The following CDH12 variants were observed in gnomAD, a reference collection of about 807,000 sequenced individuals.
The protein encoded by CDH12 is cadherin-12.
Under a neutral mutation model 74.1 loss-of-function variants are expected in CDH12, and 41 were observed. The ratio of observed to expected loss-of-function variants is 0.55; its 90% confidence interval spans 0.43 to 0.72. The LOEUF (loss-of-function observed/expected upper bound fraction) is 0.72. Among genes scored for constraint, CDH12 ranks in the 30% least tolerant of loss-of-function variants. CDH12 has a pLI of 0.00. For synonymous variants in CDH12, 399 were observed against 355.0 expected (o/e 1.12, Z -1.39); for missense variants, 945 against 977.2 (o/e 0.97, Z 0.44).
At chr5:22,079,482 A>G (rs142781639) in intron 4 of CDH12, among the ~76,000 whole-genome samples, 5 of 152,336 alleles carry the variant, frequency 3.3e-5, no homozygotes, top group African/African-American at 1.2e-4. Flanking sequence ...CAGACGATCT[A>G]AAGAACAAGA....
At chr5:22,336,629 A>G (rs1017328342) in intron 3 of CDH12, among the ~76,000 whole-genome samples, 1 of 152,200 alleles carries the variant, frequency 6.6e-6, no homozygotes, top group African/African-American at 2.4e-5. Context: ...CAGTTTCCAC[A>G]TGGTGTTGAG....
chr5:22,179,467 C>T (rs4370235), intron 4 of CDH12, among the ~76,000 whole-genome samples: 14,008 of 151,880 alleles, frequency 0.092, 1,077 homozygotes, highest in African/African-American at 0.22. Context: ...TGCTCATTAT[C>T]GTAAAGTTGG....
At chr5:22,310,281 T>G (rs1229255224) in intron 3 of CDH12, among the ~76,000 whole-genome samples, 1 of 151,812 alleles carries the variant, frequency 6.6e-6, no homozygotes, top group African/African-American at 2.4e-5. Context: ...GCCAACATGG[T>G]GAAACCCCAT....
At chr5:22,852,743 C>A (rs571677116) in intron 1 of CDH12, among the ~76,000 whole-genome samples, 2 of 152,324 alleles carry the variant, frequency 1.3e-5, no homozygotes, top group African/African-American at 4.8e-5. Context: ...AGTTGGACAT[C>A]TAGCACACCT....
At chr5:22,276,498 A>T (rs1163506370) in intron 3 of CDH12, among the ~76,000 whole-genome samples, 1 of 152,216 alleles carries the variant, frequency 6.6e-6, no homozygotes, top group Non-Finnish European at 1.5e-5. Flanking sequence ...TTAAAAACTC[A>T]TCCCCTTGAT....
chr5:22,664,693 C>T (rs1218790959), intron 1 of CDH12, among the ~76,000 whole-genome samples: 2 of 152,078 alleles, frequency 1.3e-5, no homozygotes, highest in Admixed American at 1.3e-4. Context: ...GTTAAACCAT[C>T]ACAATAACTA....
intron 1 of CDH12, among the ~76,000 whole-genome samples, chr5:22,748,251 G>A (rs779347820): frequency 6.6e-6 from 1 of 152,122 alleles, no homozygotes; most frequent in Non-Finnish European, 1.5e-5. Flanking sequence ...TGTTTTAAGT[G>A]AAATATAGGA....
chr5:22,185,201 T>C (rs866610451), intron 4 of CDH12, among the ~76,000 whole-genome samples: 28 of 122,366 alleles, frequency 2.3e-4, no homozygotes, highest in Middle Eastern at 4.2e-3. Context: ...CTCTCTCTCT[T>C]TTTTTTTTTT....
At chr5:22,792,563 G>A (rs923331735) in intron 1 of CDH12, among the ~76,000 whole-genome samples, 5 of 151,954 alleles carry the variant, frequency 3.3e-5, no homozygotes, top group Admixed American at 6.6e-5. Flanking sequence ...TGGCATACAC[G>A]TATATGGTGG....
chr5:21,871,150 G>A (rs1197442233), intron 6 of CDH12, among the ~76,000 whole-genome samples: 1 of 152,124 alleles, frequency 6.6e-6, no homozygotes, highest in African/African-American at 2.4e-5. Context: ...GTCTGGAATA[G>A]TGAGGGCTAA....
Position 21,842,286 on chromosome 5 carries a change from T to C in CDH12, c.689A>G (p.Lys230Arg). Residue 230 changes from lysine (K) to arginine (R), a missense_variant, in exon 8 of 15, where the codon AAA (lysine) becomes AGA (arginine). By Grantham distance (26) the Lys-to-Arg change is conservative. Coordinates refer to ENST00000382254, the MANE Select transcript of CDH12 (RefSeq NM_004061.5). Reference sequence around the variant, plus strand: ...TTGGATGAGTACTTGATATTGTTCTTTGACTTCTCTGTCCATGTTTGGCAA... The same window carrying C: ...TTGGATGAGTACTTGATATTGTTCTCTGACTTCTCTGTCCATGTTTGGCAA... ...TALPNMDREV[K>R]EQYQVLIQAK... 3 of 1,612,922 alleles carry C rather than the reference T, an allele frequency of 1.9e-6. No individual in the cohort carries two copies. Among genetic ancestry groups the C allele is most frequent in the Non-Finnish European group, 2.5e-6 (3 of 1,179,322 alleles).
intron 1 of CDH12, among the ~76,000 whole-genome samples, chr5:22,526,288 A>T (rs1737274967): frequency 6.6e-6 from 1 of 152,178 alleles, no homozygotes; most frequent in Non-Finnish European, 1.5e-5. Flanking sequence ...CAATTGTAAC[A>T]CAGGTCAAAT....
chr5:22,280,871 T>C (rs1736848059), intron 3 of CDH12, among the ~76,000 whole-genome samples: 2 of 152,192 alleles, frequency 1.3e-5, no homozygotes. Flanking sequence ...TAACTCATTT[T>C]ATGAGGCCAG....
intron 1 of CDH12, among the ~76,000 whole-genome samples, chr5:22,637,111 C>CA (rs1240454120): frequency 1.3e-5 from 2 of 152,206 alleles, no homozygotes; most frequent in Non-Finnish European, 2.9e-5. Context: ...AGAAATCATA[C>CA]ATTCATTAAT....
chr5:22,656,023 A>C (rs1740015917), intron 1 of CDH12, among the ~76,000 whole-genome samples: 2 of 152,196 alleles, frequency 1.3e-5, no homozygotes, highest in Non-Finnish European at 2.9e-5. Flanking sequence ...CTGAGACCTC[A>C]ATCAAAGTAA....
chr5:22,459,825 G>T (rs1325030651), intron 2 of CDH12, among the ~76,000 whole-genome samples: 1 of 151,998 alleles, frequency 6.6e-6, no homozygotes, highest in Non-Finnish European at 1.5e-5. Context: ...AATTAGCCGG[G>T]CATGGTGGCA....
intron 6 of CDH12, among the ~76,000 whole-genome samples, chr5:21,866,969 T>C (rs1337484664): frequency 6.6e-6 from 1 of 152,084 alleles, no homozygotes; most frequent in Non-Finnish European, 1.5e-5. Flanking sequence ...AAAGGGCCAA[T>C]GTACAGCTCT....
chr5:22,007,033 A>C (rs1737006350), intron 5 of CDH12, among the ~76,000 whole-genome samples: 1 of 152,112 alleles, frequency 6.6e-6, no homozygotes, highest in Non-Finnish European at 1.5e-5. Flanking sequence ...ATTTATTTAC[A>C]CTTTTGACAA....
rs148710928 is a variant in CDH12 at position 22,647,052 on chromosome 5, G to A, written c.-522-141688C>T. Among the ~76,000 whole-genome samples, 536 of 151,864 alleles carry A rather than the reference G, an allele frequency of 3.5e-3. 3 individuals are homozygous for A. The highest frequency in any genetic ancestry group is 4.9e-3 in the Non-Finnish European group (329 of 67,800). ...ATTTCAAGTGAAAGAAGCATTACTG[G>A]GGGATAGTTTCATAATGTGAACAAT... On this transcript the variant is annotated intron_variant, in intron 1 of 14. Transcript: ENST00000382254.
Sources: allele counts gnomAD v4.1 joint callset (sites outside exome capture counted in the v4.1 genomes callset), GRCh38; gene constraint gnomAD v4.1.1; transcripts MANE v1.5; gene names NCBI Gene and HGNC (gene_info 2026-07-23, HGNC 2026-07-21).